The following ZNF443 variants were observed in gnomAD, a reference collection of about 807,000 sequenced individuals.
The protein encoded by ZNF443 is zinc finger protein 443.
A neutral mutation model predicts 12.0 loss-of-function variants in ZNF443; 3 were observed. The observed-to-expected ratio is 0.25, with a 90% CI of 0.11 to 0.64. ZNF443 has a LOEUF of 0.64. Among genes scored for constraint, ZNF443 ranks in the 30% least tolerant of loss-of-function variants. The pLI, the probability that ZNF443 is intolerant of heterozygous loss-of-function variation, is 0.84. For missense variants in ZNF443, 770 were observed against 808.8 expected, an observed-to-expected ratio of 0.95 and a Z score of 0.58; for synonymous variants, 225 against 265.9, an observed-to-expected ratio of 0.85 and a Z score of 1.50.
At chr19:12,435,653 A>G (rs753227252) in intron 1 of ZNF443, among the ~76,000 whole-genome samples, 1 of 152,008 alleles carries the variant, frequency 6.6e-6, no homozygotes, top group Non-Finnish European at 1.5e-5. Flanking sequence ...TAAGTGTTCA[A>G]GGGATGCCCC....
At position 12,430,520 on chromosome 19, in the gene ZNF443, T is replaced by C. The variant is rs537560332; in HGVS notation, c.1652A>G (p.Glu551Gly). 3.7e-6 allele frequency: 6 copies of C among 1,614,158 alleles called. No homozygotes were observed. Among genetic ancestry groups the C allele is most frequent in the Admixed American group, 1.7e-5 (1 of 60,028 alleles). The change falls in exon 4 of 4, where the codon GAA becomes GGA. Residue 551 changes from glutamate to glycine, a missense_variant. By Grantham distance (98) the Glu-to-Gly change is moderately conservative (BLOSUM62 -2). Transcript: ENST00000301547. Reference protein sequence around the residue: ...FGHYDNLKVHERIHSGEKPYE... With the variant: ...FGHYDNLKVHGRIHSGEKPYE... ...CGGCTTCTCTCCAGAGTGAATTCTTTCATGTACCTTTAAGTTATCATAATG... is the reference window on the plus strand; with the variant it reads ...CGGCTTCTCTCCAGAGTGAATTCTTCCATGTACCTTTAAGTTATCATAATG...
chr19:12,431,884 A>T lies in ZNF443; in HGVS notation c.288T>A (p.Thr96=), dbSNP rs8101661. The change falls in exon 4 of 4, where the codon ACT becomes ACA. Residue 96 remains threonine, a synonymous_variant. Coordinates refer to ENST00000301547, the MANE Select transcript of ZNF443 (RefSeq NM_005815.5). ...TTTCACAAGGACCTACTCCAGGAAG[A>T]GTGTTCTTGGTCACAATACTATCTT... ...QIQDSIVTKN[T]LPGVGPCESS... The T allele has an allele frequency of 1.5e-3, 2,495 of 1,614,068 alleles. 36 individuals carry two copies. In the African/African-American group the frequency reaches 0.03, roughly 19 times the overall value.
Position 12,430,544 on chromosome 19 carries a change from T to C in ZNF443, c.1628A>G (p.His543Arg), listed in dbSNP as rs1409797014. The change falls in exon 4 of 4, where the codon CAT becomes CGT. Residue 543 changes from histidine (H) to arginine (R), a missense_variant. Coordinates refer to ENST00000301547, the MANE Select transcript of ZNF443 (RefSeq NM_005815.5). Reference protein sequence around the residue: ...ECKTCRKAFGHYDNLKVHERI... With the variant: ...ECKTCRKAFGRYDNLKVHERI... Reference sequence around the variant, plus strand: ...TTCATGTACCTTTAAGTTATCATAATGACCGAAGGCTTTCCTACATGTTTT... The same window carrying C: ...TTCATGTACCTTTAAGTTATCATAACGACCGAAGGCTTTCCTACATGTTTT... The C allele has an allele frequency of 3.7e-6, 6 of 1,614,162 alleles. No individual in the cohort carries two copies. The highest frequency in any genetic ancestry group is 5.1e-6 in the Non-Finnish European group (6 of 1,180,004).
rs1970248943 is a variant in ZNF443, at chr19:12,431,178, T to C, written c.994A>G (p.Ser332Gly). The C allele has an allele frequency of 1.9e-6, 3 of 1,614,052 alleles. No individual in the cohort carries two copies. The highest frequency in any genetic ancestry group is 1.7e-6 in the Non-Finnish European group (2 of 1,179,942). ...TGACATGCATAGGGTTTCTCTGCAC[T>C]GTGAGTGGTTTCATGTCTTTGAAGG... ...GSLQRHETTHSAEKPYACQQC... is the reference protein window; with the variant it reads ...GSLQRHETTHGAEKPYACQQC... Residue 332 changes from serine (S) to glycine (G), a missense_variant, in exon 4 of 4, where the codon AGT becomes GGT. This residue lies in a region of ZNF443 where 736 missense variants were observed against 689.4 expected (regional missense o/e 1.07). Coordinates refer to ENST00000301547, the MANE Select transcript of ZNF443 (RefSeq NM_005815.5).
chr19:12,430,445 A>G lies in ZNF443; in HGVS notation c.1727T>C (p.Leu576Pro). 1 of 1,606,020 alleles carries G rather than the reference A, an allele frequency of 6.2e-7. No homozygotes were observed. Among genetic ancestry groups the G allele is most frequent in the Non-Finnish European group, 8.5e-7 (1 of 1,175,498 alleles). The change falls in exon 4 of 4, where the codon CTA becomes CCA. Residue 576 changes from leucine to proline, a missense_variant. Coordinates refer to ENST00000301547, the MANE Select transcript of ZNF443 (RefSeq NM_005815.5). The part of the protein sequence containing the change: ...GKAFSWLTCF[L>P]RHERIHMREK... ...TCTCATGTGAATTCTTTCATGTCGT[A>G]GAAAGCAAGTGAGCCAAGAGAATGC...
At chr19:12,439,457 C>T (rs1349162887) in intron 1 of ZNF443, among the ~76,000 whole-genome samples, 9 of 152,228 alleles carry the variant, frequency 5.9e-5, no homozygotes, top group South Asian at 4.1e-4. Context: ...GGATGATATT[C>T]ACTAGACCCT....
In ZNF443 at chr19:12,430,942, ACTTCGAAAG is replaced by A. The variant is rs1970245207; in HGVS notation, c.1221_1229del (p.Phe408_Ser410del). On this transcript the variant is annotated inframe_deletion, in exon 4 of 4. Transcript: ENST00000301547. ...CATCTCCAGTGTGCATTATCATATG[ACTTCGAAAG>A]CTTGAGCGATGAGATAATGCTTTCC... The A allele has an allele frequency of 1.2e-6, 2 of 1,612,660 alleles. No individual in the cohort carries two copies. Among genetic ancestry groups the A allele is most frequent in the African/African-American group, 2.7e-5 (2 of 74,440 alleles).
In ZNF443 at chr19:12,431,318, T is replaced by G. The variant is rs146026096; in HGVS notation, c.854A>C (p.Gln285Pro). The G allele has an allele frequency of 6.2e-7, 1 of 1,614,050 alleles. No homozygotes were observed. Residue 285 changes from glutamine to proline, a missense_variant, in exon 4 of 4, where the codon CAG (glutamine) becomes CCG (proline). By Grantham distance (76) the Gln-to-Pro change is moderately conservative. Transcript: ENST00000301547. ...HTGEKPYKCK[Q>P]CSKAFPDSSS... ...GGAATCAGGGAAGGCTTTAGAACAC[T>G]GCTTACATTTATATGGTTTCTCCCC...
intron 1 of ZNF443, among the ~76,000 whole-genome samples, chr19:12,434,167 T>C (rs117938810): frequency 0.026 from 3,989 of 152,324 alleles, 73 homozygotes; most frequent in Middle Eastern, 0.041. Flanking sequence ...AATTCTGTTA[T>C]GAATTACAAG....
Position 12,430,850 on chromosome 19 carries a change from C to T in ZNF443, c.1322G>A (p.Arg441Lys), listed in dbSNP as rs139828137. 1.4e-4 allele frequency: 218 copies of T among 1,614,052 alleles called. 1 individual carries two copies. The African/African-American group carries it at 2.3e-3, about 17-fold the overall frequency. ...ATAGGGTTTCTCTGCAGTGTGAGTC[C>T]TTTCATGTCTTTGAAATACACTGGG... ...VYPSVFQRHE[R>K]THTAEKPYKC... Residue 441 changes from arginine (R) to lysine (K), a missense_variant, in exon 4 of 4, where the codon AGG (arginine) becomes AAG (lysine). Physicochemically the swap from Arg to Lys is conservative, Grantham distance 26 (BLOSUM62 2). This residue lies in a region of ZNF443 where 736 missense variants were observed against 689.4 expected (regional missense o/e 1.07). Transcript: ENST00000301547.
At chr19:12,435,889 T>C (rs2112845) in intron 1 of ZNF443, among the ~76,000 whole-genome samples, 136 of 151,730 alleles carry the variant, frequency 9.0e-4, no homozygotes, top group Middle Eastern at 3.4e-3. Flanking sequence ...CACACATAAA[T>C]AGAAAACAGT....
intron 1 of ZNF443, among the ~76,000 whole-genome samples, chr19:12,436,587 A>AC (rs1211703107): frequency 6.6e-6 from 1 of 152,136 alleles, no homozygotes; most frequent in Admixed American, 6.5e-5. Context: ...GCAGCCAAAA[A>AC]AAAAATCAGT....
intron 3 of ZNF443, 25 bp downstream of exon 3, chr19:12,432,352 T>C: frequency 1.3e-6 from 2 of 1,549,176 alleles, no homozygotes; most frequent in Middle Eastern, 1.7e-4. Context: ...CAGGGACATA[T>C]CTTTCTCTTG....
chr19:12,437,700 AT>A (rs778018767), intron 1 of ZNF443, among the ~76,000 whole-genome samples: 51 of 152,050 alleles, frequency 3.4e-4, no homozygotes, highest in Non-Finnish European at 4.9e-4. Flanking sequence ...CAAGAAAACT[AT>A]TTTTTTTATT....
At chr19:12,434,007 C>T (rs1970284108) in intron 1 of ZNF443, among the ~76,000 whole-genome samples, 1 of 152,178 alleles carries the variant, frequency 6.6e-6, no homozygotes, top group Non-Finnish European at 1.5e-5. Context: ...AGCTCCCTCA[C>T]CATGTGATAC....
chr19:12,437,650 GAC>G (rs1970327031), intron 1 of ZNF443, among the ~76,000 whole-genome samples: 1 of 151,988 alleles, frequency 6.6e-6, no homozygotes, highest in South Asian at 2.1e-4. Context: ...GACAAGGACT[GAC>G]AGAGTAGAAT....
intron 3 of ZNF443, 103 bp downstream of exon 3, chr19:12,432,274 A>C: frequency 3.7e-6 from 4 of 1,079,964 alleles, no homozygotes; most frequent in Non-Finnish European, 5.4e-6. Context: ...AGAATAAATA[A>C]ATTTAAGCTA....
intron 1 of ZNF443, among the ~76,000 whole-genome samples, chr19:12,433,620 G>A (rs970098373): frequency 1.2e-4 from 18 of 152,180 alleles, no homozygotes; most frequent in African/African-American, 4.3e-4. Context: ...TCTAGACAGT[G>A]TATTTAGGGG....
chr19:12,430,398 G>T lies in ZNF443; in HGVS notation c.1774C>A (p.Gln592Lys), dbSNP rs750734734. ...GAATGAGTGAAGGCTTTACCACATT[G>T]TGGACATTCATAGGATTTCTCTCTC... ...HMREKSYECP[Q>K]CGKAFTHSRF... is the part of the protein sequence containing the mutation. The change falls in exon 4 of 4, where the codon CAA becomes AAA. Residue 592 changes from glutamine to lysine, a missense_variant. By Grantham distance (53) the Gln-to-Lys change is moderately conservative. Transcript: ENST00000301547. The T allele has an allele frequency of 6.4e-7, 1 of 1,573,186 alleles. No homozygotes were observed. The highest frequency in any genetic ancestry group is 8.6e-7 in the Non-Finnish European group (1 of 1,158,956).
Sources: allele counts gnomAD v4.1 joint callset (sites outside exome capture counted in the v4.1 genomes callset), GRCh38; gene constraint gnomAD v4.1.1; regional missense constraint gnomAD v4.1.1; transcripts MANE v1.5; gene names NCBI Gene and HGNC (gene_info 2026-07-23, HGNC 2026-07-21).